Variants in TULP4 observed in about 807,000 individuals in gnomAD.
TULP4 encodes TUB like protein 4.
In TULP4, 16 loss-of-function variants were observed where a neutral mutation model predicts 129.0. The ratio of observed to expected loss-of-function variants is 0.12; its 90% CI spans 0.08 to 0.19. TULP4 has a LOEUF of 0.19. Ranked by LOEUF, TULP4 falls within the 10% of genes least tolerant of loss-of-function variation. The pLI, the probability that TULP4 is intolerant of heterozygous loss-of-function variation, is 1.00. For missense variants in TULP4, 1,842 were observed against 2,059.1 expected, an observed-to-expected ratio of 0.89 and a Z score of 2.04; for synonymous variants, 998 against 854.0, an observed-to-expected ratio of 1.17 and a Z score of -2.94.
In TULP4 at chr6:158,511,409, G is replaced by A. The variant is rs539726906; in HGVS notation, c.*4715G>A. 67 of 127,938 alleles carry A rather than the reference G, an allele frequency of 5.2e-4. No individual in the cohort carries two copies. The highest frequency in any genetic ancestry group is 1.9e-3 in the African/African-American group (62 of 32,994). 7.9% of individuals were successfully genotyped at this position (127,938 alleles called of 1,614,324 possible). ...TTTTCCCTTTTTTTTTTTTTTAACC[G>A]TAAGTGCACGATGCAGGTGCATAGG... is the stretch of plus-strand genomic sequence containing the variant. On this transcript the variant is annotated 3_prime_UTR_variant, in exon 14 of 14. Coordinates refer to ENST00000367097, the MANE Select transcript of TULP4 (RefSeq NM_020245.5).
intron 3 of TULP4, among the ~76,000 whole-genome samples, chr6:158,440,950 C>T (rs1416784732): frequency 6.6e-6 from 1 of 152,086 alleles, no homozygotes; most frequent in Non-Finnish European, 1.5e-5. Flanking sequence ...TGGACTCAGG[C>T]GATGAATCAC....
chr6:158,387,926 C>T (rs1777488287), intron 1 of TULP4, among the ~76,000 whole-genome samples: 1 of 152,152 alleles, frequency 6.6e-6, no homozygotes. Context: ...TTCAATGAGT[C>T]TTTGCAAATT....
At chr6:158,411,127 A>G (rs993628134) in intron 1 of TULP4, among the ~76,000 whole-genome samples, 31 of 117,596 alleles carry the variant, frequency 2.6e-4, no homozygotes, top group Non-Finnish European at 4.4e-4. Context: ...GGTAAAAGTG[A>G]AAAAAAAAAA....
chr6:158,405,515 A>T (rs1266279183), intron 1 of TULP4, among the ~76,000 whole-genome samples: 1 of 152,152 alleles, frequency 6.6e-6, no homozygotes, highest in Non-Finnish European at 1.5e-5. Flanking sequence ...TACAGCTGTG[A>T]CGGTTTAGCA....
At chr6:158,278,797 G>A (rs1387123257), upstream of TULP4, among the ~76,000 whole-genome samples, 1 of 152,104 alleles carries the variant, frequency 6.6e-6, no homozygotes, top group East Asian at 1.9e-4. Context: ...TATGTTTAGG[G>A]CACTGTTGTA....
In TULP4 at chr6:158,510,922, CT is replaced by C. The variant is rs1780726391; in HGVS notation, c.*4229del. 1 of 152,196 alleles carries C rather than the reference CT, an allele frequency of 6.6e-6. No homozygotes were observed. The highest frequency in any genetic ancestry group is 1.5e-5 in the Non-Finnish European group (1 of 68,040). 9.4% of individuals were successfully genotyped at this position (152,196 alleles called of 1,614,324 possible). ...AGGAGTCCATGGTGTCGCTGTGTGC[CT>C]GTATCATTTGGCCAAGTCAATGGTT... On this transcript the variant is annotated 3_prime_UTR_variant, in exon 14 of 14. Coordinates refer to ENST00000367097, the MANE Select transcript of TULP4 (RefSeq NM_020245.5).
chr6:158,435,566 A>G (rs1022567051), intron 3 of TULP4, among the ~76,000 whole-genome samples: 1 of 151,532 alleles, frequency 6.6e-6, no homozygotes, highest in Non-Finnish European at 1.5e-5. Flanking sequence ...CTAGGTTCCA[A>G]CCTCAGACCT....
At chr6:158,494,945 G>C in intron 11 of TULP4, 99 bp downstream of exon 11, 1 of 896,362 alleles carries the variant, frequency 1.1e-6, no homozygotes. Flanking sequence ...GAACTTTTAA[G>C]ACAGCAAAAG....
At chr6:158,494,606 G>A in intron 10 of TULP4, 147 bp from the exon 11 acceptor site, 1 of 713,330 alleles carries the variant, frequency 1.4e-6, no homozygotes, top group Non-Finnish European at 2.2e-6. Flanking sequence ...TTCTGATCTT[G>A]CAAATGGTAG....
intron 7 of TULP4, 139 bp from the exon 8 acceptor site, chr6:158,480,916 C>A (rs1583923513): frequency 1.5e-6 from 1 of 684,812 alleles, no homozygotes; most frequent in East Asian, 2.7e-5. Flanking sequence ...ACATAGTTAC[C>A]CTCTTCCCCA....
At chr6:158,370,618 G>A (rs1371403356) in intron 1 of TULP4, among the ~76,000 whole-genome samples, 1 of 152,110 alleles carries the variant, frequency 6.6e-6, no homozygotes, top group Non-Finnish European at 1.5e-5. Context: ...AAATCTGTTT[G>A]TATTTCTTGT....
intron 8 of TULP4, among the ~76,000 whole-genome samples, chr6:158,483,141 C>T (rs1413278731): frequency 6.6e-6 from 1 of 152,056 alleles, no homozygotes; most frequent in Non-Finnish European, 1.5e-5. Context: ...TTTCTAAACC[C>T]TTTTGGGTGA....
At position 158,348,174 on chromosome 6, in the gene TULP4, T is replaced by TTTTC. The variant is rs1429079521; in HGVS notation, c.252+33909_252+33910insCTTT. Among the ~76,000 whole-genome samples, 3 of 8,474 alleles carry TTTTC rather than the reference T, an allele frequency of 3.5e-4. 1 individual carries two copies. The highest frequency in any genetic ancestry group is 5.8e-4 in the Non-Finnish European group (3 of 5,192). 5.6% of individuals were successfully genotyped at this position (8,474 alleles called of 152,430 possible). A position where few individuals can be genotyped will look rare whatever the true frequency, so the allele number is the denominator to read the frequency against. ...TTTGGTCTTTTTTTTTTTTTTAAGGTTTTTTTTTTTTTTTAGTATTTATTG... is the reference window on the plus strand; with the variant it reads ...TTTGGTCTTTTTTTTTTTTTTAAGGTTTTCTTTTTTTTTTTTTTAGTATTTATTG... On this transcript the variant is annotated intron_variant, in intron 1 of 13. Coordinates refer to ENST00000367097, the MANE Select transcript of TULP4 (RefSeq NM_020245.5).
chr6:158,494,493 T>G (rs1780282626), intron 10 of TULP4, among the ~76,000 whole-genome samples: 1 of 152,162 alleles, frequency 6.6e-6, no homozygotes, highest in African/African-American at 2.4e-5. Context: ...TACGCCTCTT[T>G]AAATCACACA....
At chr6:158,240,318 G>A (rs1180987179) in intron 1 of TULP4, among the ~76,000 whole-genome samples, 29 of 75,290 alleles carry the variant, frequency 3.9e-4, no homozygotes, top group East Asian at 1.1e-3. Flanking sequence ...CTCACCTCCC[G>A]GACGGGGCGG....
chr6:158,354,473 C>T (rs907880985), intron 1 of TULP4, among the ~76,000 whole-genome samples: 2 of 152,152 alleles, frequency 1.3e-5, no homozygotes, highest in Admixed American at 1.3e-4. Flanking sequence ...AAACATCTGT[C>T]TTCTTGTAGA....
At chr6:158,256,835 TCAGTGGGTATCCAGG>T (rs989895330) in intron 1 of TULP4, among the ~76,000 whole-genome samples, 1 of 152,176 alleles carries the variant, frequency 6.6e-6, no homozygotes, top group Non-Finnish European at 1.5e-5. Flanking sequence ...AGGATGCTGA[TCAGTGGGTATCCAGG>T]CAGGATTTTA....
In TULP4 at chr6:158,503,353, G is replaced by A. The variant is rs573494751; in HGVS notation, c.3690G>A (p.Leu1230=). The change falls in exon 13 of 14, where the codon CTG becomes CTA. Residue 1230 remains leucine, a synonymous_variant. Coordinates refer to ENST00000367097, the MANE Select transcript of TULP4 (RefSeq NM_020245.5). The surrounding 1 kb of genome is among the most constrained non-coding windows in gnomAD (Gnocchi z 4.3). ...AGCCTGCTGTGGTCCTTCAGCCGCTGTACCCACCCAGCCTCTCCTATTGCA... is the reference window on the plus strand; with the variant it reads ...AGCCTGCTGTGGTCCTTCAGCCGCTATACCCACCCAGCCTCTCCTATTGCA... ...QQEPAVVLQP[L]YPPSLSYCTL... 3.8e-5 allele frequency: 62 copies of A among 1,613,718 alleles called. No homozygotes were observed. Among genetic ancestry groups the A allele is most frequent in the Non-Finnish European group, 5.3e-5 (62 of 1,179,976 alleles).
chr6:158,364,776 A>G (rs917214058), intron 1 of TULP4, among the ~76,000 whole-genome samples: 2 of 151,996 alleles, frequency 1.3e-5, no homozygotes, highest in Admixed American at 6.6e-5. Context: ...TCATTCTGTC[A>G]CCCAGGCTGG....
Sources: gnomAD v4.1 joint callset for allele counts (sites outside exome capture counted in the v4.1 genomes callset) on GRCh38, gnomAD v4.1.1 for gene constraint, Gnocchi (gnomAD v3.1) non-coding constraint, MANE v1.5 for transcripts, NCBI Gene and HGNC (gene_info 2026-07-23, HGNC 2026-07-21) for gene names.